The following PRKAA2 variants were observed in gnomAD, a reference collection of about 807,000 sequenced individuals.
PRKAA2 encodes protein kinase AMP-activated catalytic subunit alpha 2.
PRKAA2 carries 40 observed loss-of-function variants against 56.3 expected under a neutral mutation model. The ratio of observed to expected loss-of-function variants is 0.71; its 90% CI spans 0.55 to 0.92. The LOEUF (loss-of-function observed/expected upper bound fraction) is 0.92, where lower values mean the gene tolerates loss of function less well. Among genes scored for constraint, PRKAA2 ranks in the 40% least tolerant of loss-of-function variants. The pLI is 0.00. For missense variants in PRKAA2, 542 were observed against 686.9 expected (o/e 0.79, Z 2.36); for synonymous variants, 214 against 234.2 (o/e 0.91, Z 0.79).
At chr1:56,693,878 T>C (rs1384851686) in intron 5 of PRKAA2, 26 bp downstream of exon 5, 1 of 1,451,710 alleles carries the variant, frequency 6.9e-7, no homozygotes, top group Middle Eastern at 1.8e-4. Flanking sequence ...GCATAAGCTT[T>C]TTGTAATCTT....
intron 2 of PRKAA2, among the ~76,000 whole-genome samples, chr1:56,682,190 A>G (rs1644160159): frequency 6.6e-6 from 1 of 152,126 alleles, no homozygotes; most frequent in Admixed American, 6.6e-5. Flanking sequence ...TATAATCATG[A>G]AGGACAGAGT....
At chr1:56,704,998 G>T (rs1644322074) in intron 7 of PRKAA2, among the ~76,000 whole-genome samples, 1 of 151,970 alleles carries the variant, frequency 6.6e-6, no homozygotes, top group East Asian at 1.9e-4. Flanking sequence ...CTTACTCTCA[G>T]CCCACAGTTT....
intron 1 of PRKAA2, among the ~76,000 whole-genome samples, chr1:56,664,887 C>CACACACACAT: frequency 7.0e-6 from 1 of 143,698 alleles, no homozygotes; most frequent in Non-Finnish European, 1.5e-5. Flanking sequence ...CACACACACA[C>CACACACACAT]ACACATATAT....
At chr1:56,669,873 A>G (rs144486315) in intron 1 of PRKAA2, among the ~76,000 whole-genome samples, 66 of 152,356 alleles carry the variant, frequency 4.3e-4, no homozygotes, top group Non-Finnish European at 6.5e-4. Context: ...GTCTATTGAC[A>G]GTTCCCAGTT....
At chr1:56,706,280 G>A in intron 8 of PRKAA2, 62 bp downstream of exon 8, 1 of 1,570,564 alleles carries the variant, frequency 6.4e-7, no homozygotes, top group South Asian at 1.2e-5. Flanking sequence ...TTGACCAGAT[G>A]TTAAAATCAT....
chr1:56,676,937 A>T, intron 2 of PRKAA2, among the ~76,000 whole-genome samples: 1 of 152,184 alleles, frequency 6.6e-6, no homozygotes. Context: ...CTTGAAGTTC[A>T]CTTAGTCATA....
chr1:56,693,683 C>A lies in PRKAA2; in HGVS notation c.476-82C>A, dbSNP rs1250353720. 4 of 910,830 alleles carry A rather than the reference C, an allele frequency of 4.4e-6. No homozygotes were observed. The East Asian group carries it at 7.9e-5, about 18-fold the overall frequency. 56.4% of individuals were successfully genotyped at this position (910,830 alleles called of 1,614,324 possible). On this transcript the variant is annotated intron_variant, in intron 4 of 8. Transcript: ENST00000371244. ...AAAATGATATATGGAGGATCCAGGACTTGAAATTTTGCTCATATTTATATG... is the reference window on the plus strand; with the variant it reads ...AAAATGATATATGGAGGATCCAGGAATTGAAATTTTGCTCATATTTATATG...
intron 1 of PRKAA2, among the ~76,000 whole-genome samples, chr1:56,669,342 C>G (rs1644058642): frequency 6.6e-6 from 1 of 151,962 alleles, no homozygotes; most frequent in African/African-American, 2.4e-5. Context: ...GCCTGTAATT[C>G]CAGCTACTTG....
intron 1 of PRKAA2, among the ~76,000 whole-genome samples, chr1:56,662,450 A>T (rs2796526): frequency 0.97 from 148,055 of 152,028 alleles, 72,096 homozygotes; most frequent in East Asian, 1. Context: ...GAGATGATTT[A>T]AAAAAAAAAT....
chr1:56,683,257 A>G (rs1029175705), intron 2 of PRKAA2, among the ~76,000 whole-genome samples: 1 of 152,070 alleles, frequency 6.6e-6, no homozygotes, highest in Non-Finnish European at 1.5e-5. Flanking sequence ...TCCATTAGAC[A>G]TGTAAATGGA....
intron 1 of PRKAA2, among the ~76,000 whole-genome samples, chr1:56,653,721 T>A (rs536121785): frequency 4.6e-4 from 70 of 152,234 alleles, no homozygotes; most frequent in African/African-American, 1.6e-3. Context: ...ACCAGAAATT[T>A]ATTGATGAGA....
intron 1 of PRKAA2, among the ~76,000 whole-genome samples, chr1:56,651,645 C>T (rs1438572299): frequency 6.6e-6 from 1 of 152,118 alleles, no homozygotes; most frequent in African/African-American, 2.4e-5. Flanking sequence ...AAATGTCTTT[C>T]AGTCCATATT....
chr1:56,680,785 T>C (rs1249797141), intron 2 of PRKAA2, among the ~76,000 whole-genome samples: 1 of 152,208 alleles, frequency 6.6e-6, no homozygotes, highest in East Asian at 1.9e-4. Flanking sequence ...TGGTTACAAG[T>C]CTTTGCTATT....
intron 1 of PRKAA2, among the ~76,000 whole-genome samples, chr1:56,672,332 G>C (rs1397908425): frequency 2.0e-5 from 3 of 152,114 alleles, no homozygotes. Context: ...GCCCAGGCTG[G>C]TCTCGAACTC....
chr1:56,677,738 C>A (rs1050810196), intron 2 of PRKAA2, among the ~76,000 whole-genome samples: 12 of 150,584 alleles, frequency 8.0e-5, no homozygotes, highest in African/African-American at 2.9e-4. Flanking sequence ...CTCACTGCAA[C>A]CTTCGCTTCC....
intron 4 of PRKAA2, among the ~76,000 whole-genome samples, chr1:56,693,356 GTT>G (rs1356786844): frequency 2.0e-5 from 3 of 152,090 alleles, no homozygotes; most frequent in African/African-American, 7.2e-5. Context: ...GGCCCATCTG[GTT>G]TCTAATTACA....
rs763401316 is a variant in PRKAA2 at position 56,704,223 on chromosome 1, A to G, written c.1041A>G (p.Pro347=). The change falls in exon 7 of 9, where the codon CCA becomes CCG. Residue 347 remains proline (P), a synonymous_variant. Coordinates refer to ENST00000371244, the MANE Select transcript of PRKAA2 (RefSeq NM_006252.4). The part of the protein sequence containing the change: ...ASEFYLASSP[P]SGSFMDDSAM... Reference sequence around the variant, plus strand: ...AGTTCTACCTCGCCTCTAGTCCTCCATCTGGTTCTTTTATGGATGATAGTG... The same window carrying G: ...AGTTCTACCTCGCCTCTAGTCCTCCGTCTGGTTCTTTTATGGATGATAGTG... 25 of 1,614,162 alleles carry G rather than the reference A, an allele frequency of 1.5e-5. No homozygotes were observed. The highest frequency in any genetic ancestry group is 1.9e-5 in the Non-Finnish European group (23 of 1,180,026).
chr1:56,674,543 T>C, intron 2 of PRKAA2, 21 bp downstream of exon 2: 1 of 1,427,992 alleles, frequency 7.0e-7, no homozygotes, highest in Non-Finnish European at 9.4e-7. Flanking sequence ...TTGTATCTAA[T>C]AATACCAAAG....
rs1183567957 is a variant in PRKAA2, at chr1:56,710,803, TAA to T, written c.*3091_*3092del. 6.6e-6 allele frequency: 1 copy of T among 152,156 alleles called. No homozygotes were observed. The highest frequency in any genetic ancestry group is 1.5e-5 in the Non-Finnish European group (1 of 67,988). 9.4% of individuals were successfully genotyped at this position (152,156 alleles called of 1,614,324 possible). A position where few individuals can be genotyped will look rare whatever the true frequency, so the allele number is the denominator to read the frequency against. On this transcript the variant is annotated 3_prime_UTR_variant, in exon 9 of 9. Coordinates refer to ENST00000371244, the MANE Select transcript of PRKAA2 (RefSeq NM_006252.4). Reference sequence around the variant, plus strand: ...CAAGATTACTTGTTAAAAAAAAGTCTAAGAGACTAATGACTCATGCTTATGGC... The same window carrying T: ...CAAGATTACTTGTTAAAAAAAAGTCTGAGACTAATGACTCATGCTTATGGC...
Sources: gnomAD v4.1 joint callset for allele counts (sites outside exome capture counted in the v4.1 genomes callset) on GRCh38, gnomAD v4.1.1 for gene constraint, MANE v1.5 for transcripts, NCBI Gene and HGNC (gene_info 2026-07-23, HGNC 2026-07-21) for gene names.